SGMS1: variants seen among roughly 807,000 people sequenced by gnomAD.
The protein encoded by SGMS1 is phosphatidylcholine:ceramide cholinephosphotransferase 1.
SGMS1 carries 13 observed loss-of-function variants against 46.2 expected under a neutral mutation model. The ratio of observed to expected loss-of-function variants is 0.28; its 90% CI spans 0.18 to 0.45. SGMS1 has a LOEUF of 0.45. Ranked by LOEUF, SGMS1 falls within the 20% of genes least tolerant of loss-of-function variation. SGMS1 has a pLI of 1.00. For missense variants in SGMS1, 324 were observed against 519.9 expected, an observed-to-expected ratio of 0.62 and a Z score of 3.66; for synonymous variants, 203 against 187.8, an observed-to-expected ratio of 1.08 and a Z score of -0.66.
chr10:50,365,851 GT>G (rs1162400666), intron 6 of SGMS1, among the ~76,000 whole-genome samples: 1 of 152,082 alleles, frequency 6.6e-6, no homozygotes, highest in Non-Finnish European at 1.5e-5. Flanking sequence ...ATTTGGGTTG[GT>G]TCCATGTCTT....
intron 2 of SGMS1, among the ~76,000 whole-genome samples, chr10:50,547,396 G>A (rs918025052): frequency 1.5e-4 from 23 of 152,092 alleles, no homozygotes; most frequent in South Asian, 8.3e-4. Flanking sequence ...AACAACCATC[G>A]GGGAATACTA....
intron 3 of SGMS1, among the ~76,000 whole-genome samples, chr10:50,480,566 A>T (rs1438607667): frequency 1.3e-5 from 2 of 149,250 alleles, no homozygotes; most frequent in South Asian, 4.3e-4. Flanking sequence ...CAGCCAGGGG[A>T]GGCATTAAGT....
At chr10:50,421,009 C>A (rs1849248209) in intron 6 of SGMS1, among the ~76,000 whole-genome samples, 2 of 152,172 alleles carry the variant, frequency 1.3e-5, no homozygotes, top group African/African-American at 4.8e-5. Flanking sequence ...TTCCAATAAT[C>A]CTTATGCTTC....
chr10:50,338,111 C>T (rs1328780617), intron 7 of SGMS1, among the ~76,000 whole-genome samples: 1 of 152,132 alleles, frequency 6.6e-6, no homozygotes, highest in Non-Finnish European at 1.5e-5. Context: ...TCTTTACTTC[C>T]TTCCCTTTTG....
chr10:50,478,617 C>A (rs1295245958), intron 3 of SGMS1, among the ~76,000 whole-genome samples: 2 of 152,096 alleles, frequency 1.3e-5, no homozygotes, highest in Non-Finnish European at 2.9e-5. Context: ...TGAAAATCAA[C>A]AGAGGAGTTT....
At chr10:50,579,357 A>T (rs957964059) in intron 2 of SGMS1, among the ~76,000 whole-genome samples, 8 of 152,170 alleles carry the variant, frequency 5.3e-5, no homozygotes, top group African/African-American at 1.9e-4. Context: ...AGAGGGGGGA[A>T]TTCAACAATG....
chr10:50,440,378 T>C (rs1849528622), intron 5 of SGMS1, among the ~76,000 whole-genome samples: 1 of 151,924 alleles, frequency 6.6e-6, no homozygotes, highest in Non-Finnish European at 1.5e-5. Context: ...TAAAAACAAA[T>C]TAAAAGTAAA....
chr10:50,341,085 A>G (rs888342523), intron 7 of SGMS1: 4 of 296,080 alleles, frequency 1.4e-5, no homozygotes, highest in African/African-American at 2.2e-5. Flanking sequence ...GGAGAAGTTA[A>G]CTCTCTGCTA....
chr10:50,501,838 A>C (rs1365103283), intron 3 of SGMS1, among the ~76,000 whole-genome samples: 7 of 152,190 alleles, frequency 4.6e-5, no homozygotes, highest in Admixed American at 4.6e-4. Context: ...CCTAAGAAAA[A>C]TTCTTAAATT....
At chr10:50,370,352 C>A (rs981489641) in intron 6 of SGMS1, among the ~76,000 whole-genome samples, 1 of 151,828 alleles carries the variant, frequency 6.6e-6, no homozygotes, top group Admixed American at 6.6e-5. Flanking sequence ...CATTATACAG[C>A]TGTATAAAAA....
chr10:50,486,540 G>T (rs1837522673), intron 3 of SGMS1, among the ~76,000 whole-genome samples: 1 of 152,168 alleles, frequency 6.6e-6, no homozygotes, highest in Non-Finnish European at 1.5e-5. Flanking sequence ...AGATATTTAT[G>T]CAGCCAACAA....
chr10:50,325,012 T>C (rs963877710), intron 8 of SGMS1, among the ~76,000 whole-genome samples: 2 of 152,256 alleles, frequency 1.3e-5, no homozygotes, highest in African/African-American at 4.8e-5. Flanking sequence ...TCGCATCAAC[T>C]TGTAATTGCT....
At position 50,453,141 on chromosome 10, in the gene SGMS1, AC is replaced by A. The variant is rs145266088; in HGVS notation, c.-313+7531del. ...AGACCATCAGTGAGAGCCAACAGAA[AC>A]AGGCAAATGAATCAGATCTGAAAAT... is the stretch of plus-strand genomic sequence containing the variant. On this transcript the variant is annotated intron_variant, in intron 5 of 10. Transcript: ENST00000361781. Among the ~76,000 whole-genome samples the A allele has an allele frequency of 9.3e-3, 1,422 of 152,330 alleles. 25 individuals are homozygous for A. The highest frequency in any genetic ancestry group is 0.033 in the African/African-American group (1,357 of 41,570).
At chr10:50,379,757 T>A (rs114383542) in intron 6 of SGMS1, among the ~76,000 whole-genome samples, 2,270 of 152,278 alleles carry the variant, frequency 0.015, 60 homozygotes, top group African/African-American at 0.051. Flanking sequence ...CAGGCAGTCA[T>A]GGAATTCACC....
chr10:50,367,478 C>T (rs963207773), intron 6 of SGMS1, among the ~76,000 whole-genome samples: 2 of 152,204 alleles, frequency 1.3e-5, no homozygotes, highest in African/African-American at 4.8e-5. Context: ...GCCATGACAG[C>T]ACCACTTGCG....
chr10:50,450,626 A>G (rs1837094365), intron 5 of SGMS1, among the ~76,000 whole-genome samples: 1 of 152,152 alleles, frequency 6.6e-6, no homozygotes, highest in South Asian at 2.1e-4. Context: ...AAAATAGTTC[A>G]GGAAGAAATA....
chr10:50,543,918 T>C (rs1838077403), intron 2 of SGMS1, among the ~76,000 whole-genome samples: 1 of 152,146 alleles, frequency 6.6e-6, no homozygotes, highest in Non-Finnish European at 1.5e-5. Flanking sequence ...ACAGGAGCCA[T>C]ACGAAGAACG....
chr10:50,532,278 G>A (rs1377812473), intron 2 of SGMS1, among the ~76,000 whole-genome samples: 12 of 133,008 alleles, frequency 9.0e-5, no homozygotes, highest in Admixed American at 8.9e-4. Flanking sequence ...TGTGTGTCCT[G>A]TGATGGGATG....
intron 8 of SGMS1, among the ~76,000 whole-genome samples, chr10:50,313,308 C>A (rs1419379071): frequency 6.6e-6 from 1 of 151,952 alleles, no homozygotes; most frequent in Non-Finnish European, 1.5e-5. Flanking sequence ...ACGGTGAATG[C>A]CTATATTCAA....
Sources: allele counts gnomAD v4.1 joint callset (sites outside exome capture counted in the v4.1 genomes callset), GRCh38; gene constraint gnomAD v4.1.1; transcripts MANE v1.5; gene names NCBI Gene and HGNC (gene_info 2026-07-23, HGNC 2026-07-21).